The following ENOX1 variants were observed in gnomAD, a reference collection of about 807,000 sequenced individuals.
The protein encoded by ENOX1 is ecto-NOX disulfide-thiol exchanger 1.
Under a neutral mutation model 82.5 loss-of-function variants are expected in ENOX1, and 42 were observed. The observed-to-expected ratio is 0.51, with a 90% confidence interval of 0.40 to 0.66. ENOX1 has a LOEUF of 0.66. ENOX1 is among the 30% of genes least tolerant of loss of function. The pLI, the probability that ENOX1 is intolerant of heterozygous loss-of-function variation, is 0.00. For synonymous variants in ENOX1, 271 were observed against 282.2 expected (o/e 0.96, Z 0.40); for missense variants, 608 against 811.6 (o/e 0.75, Z 3.05).
chr13:43,722,330 C>T (rs907424102), intron 1 of ENOX1, among the ~76,000 whole-genome samples: 6 of 152,162 alleles, frequency 3.9e-5, no homozygotes, highest in African/African-American at 1.4e-4. Context: ...GGAATACAGC[C>T]ACTGACTTCT....
intron 1 of ENOX1, among the ~76,000 whole-genome samples, chr13:43,734,795 G>A (rs987928385): frequency 2.0e-5 from 3 of 152,132 alleles, no homozygotes; most frequent in Admixed American, 1.3e-4. Flanking sequence ...TGGTTTGCTC[G>A]GTTTGGAACA....
At chr13:43,465,790 G>A (rs571765720) in intron 3 of ENOX1, among the ~76,000 whole-genome samples, 10 of 152,250 alleles carry the variant, frequency 6.6e-5, no homozygotes, top group African/African-American at 2.2e-4. Flanking sequence ...CAGCATTACA[G>A]GGTTTGTTGC....
At chr13:43,434,385 A>G (rs1478422324) in intron 3 of ENOX1, among the ~76,000 whole-genome samples, 1 of 152,122 alleles carries the variant, frequency 6.6e-6, no homozygotes, top group East Asian at 1.9e-4. Context: ...GGTGTTGCAC[A>G]TTGCCTCCCA....
chr13:43,418,198 C>T (rs974266511), intron 3 of ENOX1, among the ~76,000 whole-genome samples: 1 of 151,838 alleles, frequency 6.6e-6, no homozygotes, highest in African/African-American at 2.4e-5. Flanking sequence ...CAGAGTGAGA[C>T]TCCATCTCTA....
intron 3 of ENOX1, among the ~76,000 whole-genome samples, chr13:43,445,513 C>G (rs1034644723): frequency 2.0e-5 from 3 of 152,060 alleles, no homozygotes; most frequent in Non-Finnish European, 2.9e-5. Context: ...GGAACATGGT[C>G]CAGGACTGCA....
At chr13:43,555,080 C>T (rs2079374079) in intron 2 of ENOX1, among the ~76,000 whole-genome samples, 1 of 151,004 alleles carries the variant, frequency 6.6e-6, no homozygotes, top group African/African-American at 2.4e-5. Context: ...CAAATGATAT[C>T]TTCCTTTCTA....
At chr13:43,379,347 G>A (rs1048080373) in intron 5 of ENOX1, among the ~76,000 whole-genome samples, 5 of 151,730 alleles carry the variant, frequency 3.3e-5, no homozygotes, top group African/African-American at 1.2e-4. Context: ...TAAAACAGTA[G>A]AACAAAAAAA....
chr13:43,351,661 G>C (rs1051268800), intron 8 of ENOX1, among the ~76,000 whole-genome samples: 1 of 143,804 alleles, frequency 7.0e-6, no homozygotes, highest in Non-Finnish European at 1.5e-5. Context: ...CCACCTATGA[G>C]TGAGAATATG....
chr13:43,293,259 A>G (rs575327679), intron 12 of ENOX1, among the ~76,000 whole-genome samples: 1 of 152,056 alleles, frequency 6.6e-6, no homozygotes, highest in East Asian at 1.9e-4. Flanking sequence ...TCACTACCAC[A>G]GTCACCACAG....
chr13:43,524,122 T>C (rs1029713061), intron 2 of ENOX1, among the ~76,000 whole-genome samples: 13 of 152,206 alleles, frequency 8.5e-5, no homozygotes, highest in African/African-American at 3.1e-4. Flanking sequence ...CACATCATCC[T>C]AGCCTTCAGA....
chr13:43,463,353 C>T (rs1309983149), intron 3 of ENOX1, among the ~76,000 whole-genome samples: 5 of 152,114 alleles, frequency 3.3e-5, no homozygotes, highest in African/African-American at 1.2e-4. Flanking sequence ...ACATTCTTTG[C>T]GCTTTGCACA....
chr13:43,367,854 T>C (rs540319902), intron 5 of ENOX1, among the ~76,000 whole-genome samples: 22 of 152,250 alleles, frequency 1.4e-4, no homozygotes, highest in Admixed American at 2.6e-4. Flanking sequence ...TGTAAAAAGG[T>C]ATCCCCAAAA....
chr13:43,372,575 C>G (rs1273704237), intron 5 of ENOX1, among the ~76,000 whole-genome samples: 1 of 152,130 alleles, frequency 6.6e-6, no homozygotes, highest in African/African-American at 2.4e-5. Context: ...AATCCCATGC[C>G]TCAGGGGAAT....
intron 1 of ENOX1, among the ~76,000 whole-genome samples, chr13:43,686,819 C>T (rs1422497394): frequency 6.6e-6 from 1 of 152,110 alleles, no homozygotes; most frequent in Non-Finnish European, 1.5e-5. Context: ...AGAAATGCTG[C>T]TAATGCTAGT....
chr13:43,601,120 A>C (rs7989099), intron 2 of ENOX1, among the ~76,000 whole-genome samples: 148,676 of 152,134 alleles, frequency 0.98, 72,751 homozygotes, highest in Middle Eastern at 1. Context: ...CTTCAATGAC[A>C]AGACTGGACG....
intron 5 of ENOX1, among the ~76,000 whole-genome samples, chr13:43,369,826 T>G (rs1397843788): frequency 6.6e-6 from 1 of 150,666 alleles, no homozygotes; most frequent in African/African-American, 2.4e-5. Flanking sequence ...GGCAAGGAGA[T>G]CCTCCTGTTG....
At chr13:43,776,500 C>T (rs1951926924) in intron 1 of ENOX1, among the ~76,000 whole-genome samples, 1 of 152,148 alleles carries the variant, frequency 6.6e-6, no homozygotes, top group Non-Finnish European at 1.5e-5. Flanking sequence ...AGATTTATAA[C>T]ATTCCCATGC....
At chr13:43,473,434 T>C (rs1445704648) in intron 3 of ENOX1, among the ~76,000 whole-genome samples, 1 of 152,154 alleles carries the variant, frequency 6.6e-6, no homozygotes. Flanking sequence ...CTAACAGTCT[T>C]TTGTGTGTGT....
chr13:43,334,510 AAGAT>A (rs1443716247), intron 9 of ENOX1, among the ~76,000 whole-genome samples: 1 of 152,216 alleles, frequency 6.6e-6, no homozygotes, highest in Non-Finnish European at 1.5e-5. Context: ...ATTGAATCGC[AAGAT>A]GAGAATTGCT....
Sources: gnomAD v4.1 joint callset for allele counts (sites outside exome capture counted in the v4.1 genomes callset) on GRCh38, gnomAD v4.1.1 for gene constraint, MANE v1.5 for transcripts, NCBI Gene and HGNC (gene_info 2026-07-23, HGNC 2026-07-21) for gene names.